Variants in CA10 observed in about 807,000 individuals in gnomAD.
CA10 encodes carbonic anhydrase-related protein 10.
Under a neutral mutation model 44.2 loss-of-function variants are expected in CA10, and 14 were observed. That is an observed-to-expected ratio of 0.32 (90% CI 0.21 to 0.50). The LOEUF is 0.50. Among genes scored for constraint, CA10 ranks in the 20% least tolerant of loss-of-function variants. CA10 has a pLI of 0.99. For synonymous variants in CA10, 159 were observed against 141.6 expected, an observed-to-expected ratio of 1.12 and a Z score of -0.87; for missense variants, 350 against 409.7, an observed-to-expected ratio of 0.85 and a Z score of 1.26.
At chr17:52,147,759 T>G (rs1989619699) in intron 1 of CA10, among the ~76,000 whole-genome samples, 1 of 152,350 alleles carries the variant, frequency 6.6e-6, no homozygotes, top group African/African-American at 2.4e-5. Flanking sequence ...GACATATTTC[T>G]ATCACACCCA....
At chr17:51,790,170 T>C (rs768332124) in intron 3 of CA10, among the ~76,000 whole-genome samples, 4 of 152,126 alleles carry the variant, frequency 2.6e-5, no homozygotes, top group Non-Finnish European at 5.9e-5. Context: ...CTGCAAAAAC[T>C]AGAGTTTCCA....
At chr17:51,829,535 G>T (rs577359337) in intron 3 of CA10, among the ~76,000 whole-genome samples, 2 of 152,166 alleles carry the variant, frequency 1.3e-5, no homozygotes, top group African/African-American at 2.4e-5. Context: ...CATGAGGGAC[G>T]TATGCAATTG....
intron 2 of CA10, among the ~76,000 whole-genome samples, chr17:51,992,127 A>C (rs1297453574): frequency 6.6e-6 from 1 of 152,072 alleles, no homozygotes; most frequent in Non-Finnish European, 1.5e-5. Context: ...TATAGCTGTG[A>C]ACCTTCCAAT....
chr17:51,671,226 T>C (rs1914408208), intron 4 of CA10, among the ~76,000 whole-genome samples: 1 of 152,046 alleles, frequency 6.6e-6, no homozygotes. Flanking sequence ...TAATGCTATC[T>C]CCTTCCCACC....
chr17:51,656,964 T>A (rs900254975), intron 4 of CA10, among the ~76,000 whole-genome samples: 1 of 152,206 alleles, frequency 6.6e-6, no homozygotes, highest in Non-Finnish European at 1.5e-5. Context: ...ACCCCTGGAA[T>A]GTCAGCAATA....
intron 4 of CA10, among the ~76,000 whole-genome samples, chr17:51,713,118 T>C (rs1039931775): frequency 3.9e-5 from 6 of 152,220 alleles, no homozygotes; most frequent in Admixed American, 6.5e-5. Flanking sequence ...ACTTCACTTC[T>C]TCAATCGGGT....
chr17:52,157,529 A>ACCCCCCCC (rs368350526), intron 1 of CA10, among the ~76,000 whole-genome samples, 197 bp downstream of exon 1: 22 of 110,386 alleles, frequency 2.0e-4, no homozygotes, highest in African/African-American at 2.3e-4. Flanking sequence ...GATCCTAACC[A>ACCCCCCCC]CCCCCCCCCG....
intron 2 of CA10, among the ~76,000 whole-genome samples, chr17:52,035,023 T>A (rs774077669): frequency 2.6e-5 from 4 of 152,138 alleles, no homozygotes; most frequent in Admixed American, 6.5e-5. Context: ...ATCCTACTGA[T>A]AGGGACAGGA....
At chr17:51,895,527 A>G (rs1315385994) in intron 3 of CA10, among the ~76,000 whole-genome samples, 5 of 152,136 alleles carry the variant, frequency 3.3e-5, no homozygotes, top group African/African-American at 9.7e-5. Context: ...TAACATACCA[A>G]TAAAATGAGC....
chr17:52,029,597 C>T (rs1293713150), intron 2 of CA10, among the ~76,000 whole-genome samples: 2 of 143,908 alleles, frequency 1.4e-5, no homozygotes, highest in Non-Finnish European at 3.1e-5. Context: ...ATCTGTAAAA[C>T]ACCAAAGATT....
intron 2 of CA10, among the ~76,000 whole-genome samples, chr17:52,021,392 T>C (rs1416361285): frequency 1.3e-5 from 2 of 152,114 alleles, no homozygotes; most frequent in Non-Finnish European, 2.9e-5. Flanking sequence ...TCAAACTGCT[T>C]TCCACAGTAG....
At chr17:51,911,385 C>T (rs949359047) in intron 3 of CA10, among the ~76,000 whole-genome samples, 1 of 152,090 alleles carries the variant, frequency 6.6e-6, no homozygotes, top group Non-Finnish European at 1.5e-5. Flanking sequence ...AGAGAATGCT[C>T]TTGGATATTA....
intron 2 of CA10, among the ~76,000 whole-genome samples, chr17:52,001,928 A>T (rs1350590950): frequency 6.6e-6 from 1 of 152,018 alleles, no homozygotes; most frequent in Non-Finnish European, 1.5e-5. Flanking sequence ...CTGACCCTGA[A>T]GGCAACAGTT....
intron 1 of CA10, among the ~76,000 whole-genome samples, chr17:52,153,971 T>C (rs767259093): frequency 2.6e-5 from 4 of 152,192 alleles, no homozygotes; most frequent in African/African-American, 4.8e-5. Flanking sequence ...GTGTAGGAAA[T>C]ATTCCTTGCT....
chr17:51,870,880 G>T (rs73989427), intron 3 of CA10, among the ~76,000 whole-genome samples: 15,110 of 152,058 alleles, frequency 0.099, 947 homozygotes, highest in African/African-American at 0.18. Context: ...CAGGCAGCTA[G>T]CTCTAAGATG....
At chr17:52,013,027 T>G (rs1382583539) in intron 2 of CA10, among the ~76,000 whole-genome samples, 1 of 152,002 alleles carries the variant, frequency 6.6e-6, no homozygotes, top group Non-Finnish European at 1.5e-5. Flanking sequence ...AATTTTAACT[T>G]AAATCCTGCA....
intron 3 of CA10, among the ~76,000 whole-genome samples, chr17:51,882,671 T>C (rs1351892459): frequency 6.6e-6 from 1 of 152,194 alleles, no homozygotes; most frequent in Non-Finnish European, 1.5e-5. Context: ...TGAGTTCAGC[T>C]GTGAGTGTGG....
intron 2 of CA10, among the ~76,000 whole-genome samples, chr17:52,019,944 C>T (rs73989036): frequency 0.12 from 17,904 of 151,166 alleles, 1,128 homozygotes; most frequent in South Asian, 0.23. Flanking sequence ...ATACAATCTG[C>T]TTTGTGTTTT....
chr17:51,890,999 T>C (rs1258493244), intron 3 of CA10, among the ~76,000 whole-genome samples: 1 of 152,148 alleles, frequency 6.6e-6, no homozygotes, highest in Non-Finnish European at 1.5e-5. Flanking sequence ...AGGTCAACAA[T>C]AGTTCAGGAA....
Sources: allele counts gnomAD v4.1 joint callset (sites outside exome capture counted in the v4.1 genomes callset), GRCh38; gene constraint gnomAD v4.1.1; transcripts MANE v1.5; gene names NCBI Gene and HGNC (gene_info 2026-07-23, HGNC 2026-07-21).